The following DLG2 variants were observed in gnomAD, a reference collection of about 807,000 sequenced individuals.
DLG2 encodes the protein disks large homolog 2.
Under a neutral mutation model 132.5 loss-of-function variants are expected in DLG2, and 45 were observed. The observed-to-expected ratio is 0.34, with a 90% CI of 0.27 to 0.44. The LOEUF (loss-of-function observed/expected upper bound fraction) is 0.44. DLG2 is among the 20% of genes least tolerant of loss of function. The pLI is 1.00. For missense variants in DLG2, 1,045 were observed against 1,196.9 expected, an observed-to-expected ratio of 0.87 and a Z score of 1.87; for synonymous variants, 424 against 419.6, an observed-to-expected ratio of 1.01 and a Z score of -0.13.
intron 19 of DLG2, among the ~76,000 whole-genome samples, chr11:83,620,134 G>T (rs1238806295): frequency 6.6e-6 from 1 of 152,058 alleles, no homozygotes; most frequent in Non-Finnish European, 1.5e-5. Flanking sequence ...AGTTTGAAAG[G>T]ACATGTCTGC....
chr11:84,454,399 T>A (rs1316993816), intron 7 of DLG2, among the ~76,000 whole-genome samples: 1 of 151,508 alleles, frequency 6.6e-6, no homozygotes, highest in Non-Finnish European at 1.5e-5. Flanking sequence ...GCTTTGGGAA[T>A]GTTAAATACT....
chr11:84,307,221 A>G (rs2098229378), intron 7 of DLG2, among the ~76,000 whole-genome samples: 1 of 152,202 alleles, frequency 6.6e-6, no homozygotes, highest in Admixed American at 6.5e-5. Flanking sequence ...GCTGGAGGTC[A>G]TTATCCTAAG....
At chr11:85,021,108 T>C in intron 6 of DLG2, 1 of 782,452 alleles carries the variant, frequency 1.3e-6, no homozygotes, top group Non-Finnish European at 2.4e-6. Context: ...CTTAATTGCC[T>C]GAAGAGTCAT....
At chr11:84,138,365 G>A (rs2094692415) in intron 9 of DLG2, among the ~76,000 whole-genome samples, 1 of 152,156 alleles carries the variant, frequency 6.6e-6, no homozygotes, top group Non-Finnish European at 1.5e-5. Context: ...GCAGTATGCT[G>A]CATTTCAACT....
At chr11:84,504,425 C>T (rs1463699595) in intron 7 of DLG2, among the ~76,000 whole-genome samples, 1 of 152,138 alleles carries the variant, frequency 6.6e-6, no homozygotes, top group Non-Finnish European at 1.5e-5. Flanking sequence ...TTAATGGCAT[C>T]CCTTTTATTA....
intron 3 of DLG2, among the ~76,000 whole-genome samples, chr11:85,441,439 C>G (rs72951982): frequency 1.3e-5 from 2 of 152,060 alleles, no homozygotes; most frequent in Admixed American, 6.6e-5. Context: ...TTTCCTTTTC[C>G]TCCCTTCTGC....
chr11:85,397,471 G>A (rs978512457), intron 3 of DLG2, among the ~76,000 whole-genome samples: 8 of 152,156 alleles, frequency 5.3e-5, no homozygotes, highest in Non-Finnish European at 5.9e-5. Flanking sequence ...CGATTTAAAA[G>A]ATAAAGATTG....
intron 6 of DLG2, among the ~76,000 whole-genome samples, chr11:85,030,954 T>C (rs1592968827): frequency 6.6e-6 from 1 of 152,034 alleles, no homozygotes; most frequent in Non-Finnish European, 1.5e-5. Flanking sequence ...TAAAATCTTT[T>C]AAATTTTATT....
intron 7 of DLG2, among the ~76,000 whole-genome samples, chr11:84,489,549 T>C (rs1242993379): frequency 1.3e-5 from 2 of 152,128 alleles, no homozygotes; most frequent in African/African-American, 4.8e-5. Context: ...CATGTTCTCC[T>C]CAACCTGTCC....
chr11:83,515,757 A>C (rs1422443085), intron 21 of DLG2, among the ~76,000 whole-genome samples: 1 of 152,172 alleles, frequency 6.6e-6, no homozygotes, highest in Non-Finnish European at 1.5e-5. Flanking sequence ...GAACATCTTT[A>C]TTTCTGCCTT....
At chr11:83,771,243 C>T (rs2094379365) in intron 18 of DLG2, among the ~76,000 whole-genome samples, 1 of 152,166 alleles carries the variant, frequency 6.6e-6, no homozygotes, top group African/African-American at 2.4e-5. Context: ...TTCTGCTGCT[C>T]ATTACTAAGT....
chr11:85,599,235 T>C (rs2153233719), intron 2 of DLG2, among the ~76,000 whole-genome samples: 1 of 152,266 alleles, frequency 6.6e-6, no homozygotes, highest in African/African-American at 2.4e-5. Context: ...TAAGTCATAC[T>C]GGATTACTCA....
intron 3 of DLG2, among the ~76,000 whole-genome samples, chr11:85,442,881 A>AG (rs2091850992): frequency 6.6e-6 from 1 of 152,094 alleles, no homozygotes; most frequent in Non-Finnish European, 1.5e-5. Flanking sequence ...CTTCTCTCAA[A>AG]AAAAGGAAGA....
intron 6 of DLG2, among the ~76,000 whole-genome samples, chr11:84,813,727 G>C (rs1053528936): frequency 6.6e-6 from 1 of 152,022 alleles, no homozygotes; most frequent in Non-Finnish European, 1.5e-5. Context: ...CTCCATCCAT[G>C]GTTCTCCTGG....
intron 15 of DLG2, among the ~76,000 whole-genome samples, chr11:83,879,721 C>T (rs1475039968): frequency 6.6e-6 from 1 of 151,930 alleles, no homozygotes; most frequent in Non-Finnish European, 1.5e-5. Context: ...GTAGTTATAC[C>T]CAATAAATGT....
chr11:85,068,834 G>A (rs552135879), intron 6 of DLG2, among the ~76,000 whole-genome samples: 9 of 152,138 alleles, frequency 5.9e-5, no homozygotes, highest in South Asian at 2.1e-4. Flanking sequence ...AAAAGAGACC[G>A]CATTGCCAAG....
intron 3 of DLG2, among the ~76,000 whole-genome samples, chr11:85,498,159 A>T (rs1010745372): frequency 3.9e-5 from 6 of 152,226 alleles, no homozygotes; most frequent in African/African-American, 1.4e-4. Flanking sequence ...GTCAAGAACC[A>T]TCAGTGTGCT....
intron 6 of DLG2, among the ~76,000 whole-genome samples, chr11:84,925,791 T>C (rs1006537696): frequency 5.3e-5 from 8 of 152,066 alleles, no homozygotes; most frequent in Non-Finnish European, 1.0e-4. Context: ...TCTCATAGTG[T>C]CCAATGAGAA....
chr11:84,295,993 A>C (rs2098084101), intron 7 of DLG2, among the ~76,000 whole-genome samples: 1 of 152,180 alleles, frequency 6.6e-6, no homozygotes, highest in Non-Finnish European at 1.5e-5. Flanking sequence ...GGATAAAGAC[A>C]TCTCATGATG....
Sources: gnomAD v4.1 joint callset for allele counts (sites outside exome capture counted in the v4.1 genomes callset) on GRCh38, gnomAD v4.1.1 for gene constraint, MANE v1.5 for transcripts, NCBI Gene and HGNC (gene_info 2026-07-23, HGNC 2026-07-21) for gene names.